SORCS1: variants seen among roughly 807,000 people sequenced by gnomAD.
SORCS1 encodes sortilin related VPS10 domain containing receptor 1.
A neutral mutation model predicts 146.1 loss-of-function variants in SORCS1; 60 were observed. That is an observed-to-expected ratio of 0.41 (90% confidence interval 0.33 to 0.51). The LOEUF (loss-of-function observed/expected upper bound fraction) is 0.51, where lower values mean the gene tolerates loss of function less well. Ranked by LOEUF, SORCS1 falls within the 20% of genes least tolerant of loss-of-function variation. The pLI is 0.21. For synonymous variants in SORCS1, 637 were observed against 584.0 expected (o/e 1.09, Z -1.31); for missense variants, 1,352 against 1,487.6 (o/e 0.91, Z 1.50).
intron 2 of SORCS1, among the ~76,000 whole-genome samples, chr10:106,832,764 C>T (rs1243098531): frequency 2.0e-5 from 3 of 151,886 alleles, no homozygotes; most frequent in Non-Finnish European, 2.9e-5. Context: ...AGGTGGAAAT[C>T]GGTAAGACTA....
At chr10:107,106,658 A>G (rs1049551232) in intron 1 of SORCS1, among the ~76,000 whole-genome samples, 1 of 152,174 alleles carries the variant, frequency 6.6e-6, no homozygotes, top group Non-Finnish European at 1.5e-5. Context: ...ATTTTCAATC[A>G]AATTAAAATT....
intron 2 of SORCS1, among the ~76,000 whole-genome samples, chr10:106,834,015 G>A (rs941304015): frequency 1.3e-5 from 2 of 152,070 alleles, no homozygotes; most frequent in Non-Finnish European, 1.5e-5. Flanking sequence ...GGATGGTCTC[G>A]ATCTCCTGAC....
At chr10:106,961,685 C>CTCT in intron 1 of SORCS1, among the ~76,000 whole-genome samples, 1 of 152,324 alleles carries the variant, frequency 6.6e-6, no homozygotes, top group South Asian at 2.1e-4. Flanking sequence ...GCCCTCACTG[C>CTCT]TCTCCTTAGC....
intron 1 of SORCS1, among the ~76,000 whole-genome samples, chr10:107,082,161 A>G (rs1250333079): frequency 6.6e-6 from 1 of 152,170 alleles, no homozygotes; most frequent in Non-Finnish European, 1.5e-5. Context: ...GGAAACTCTC[A>G]GAGCAAAGAT....
intron 3 of SORCS1, among the ~76,000 whole-genome samples, chr10:106,814,324 A>G (rs1428856277): frequency 6.6e-6 from 1 of 152,234 alleles, no homozygotes; most frequent in Non-Finnish European, 1.5e-5. Flanking sequence ...CGCGAAATTT[A>G]TTGAAGATCT....
At position 106,924,464 on chromosome 10, in the gene SORCS1, T is replaced by C. The variant is rs543497894; in HGVS notation, c.626+32049A>G. On this transcript the variant is annotated intron_variant, in intron 2 of 25. Coordinates refer to ENST00000263054, the MANE Select transcript of SORCS1 (RefSeq NM_052918.5). ...TAATATTATGAAAATTCCACAGTTA[T>C]CGATCTATCTATCTATCTATCTATC... 3.5e-4 allele frequency among the ~76,000 whole-genome samples: 27 copies of C among 77,662 alleles called. 1 individual carries two copies. The East Asian group carries it at 0.01, about 29-fold the overall frequency. The allele number at this position is 77,662 out of a possible 152,430, so 50.9% of individuals were successfully genotyped here.
intron 1 of SORCS1, among the ~76,000 whole-genome samples, chr10:107,002,802 T>G (rs983609498): frequency 1.3e-5 from 2 of 152,320 alleles, no homozygotes; most frequent in Admixed American, 1.3e-4. Flanking sequence ...ACAAGGGTTA[T>G]TTTTAAACAC....
intron 18 of SORCS1, among the ~76,000 whole-genome samples, chr10:106,639,142 G>A (rs1182778316): frequency 6.6e-6 from 1 of 152,194 alleles, no homozygotes; most frequent in Non-Finnish European, 1.5e-5. Context: ...TGAGCAGAGG[G>A]TCATGGAATA....
At chr10:106,934,211 A>C (rs1009252182) in intron 2 of SORCS1, among the ~76,000 whole-genome samples, 1 of 151,978 alleles carries the variant, frequency 6.6e-6, no homozygotes, top group African/African-American at 2.4e-5. Flanking sequence ...AATGTAAATT[A>C]GTACAGCCTC....
intron 2 of SORCS1, among the ~76,000 whole-genome samples, chr10:106,838,672 T>A (rs568452336): frequency 6.6e-6 from 1 of 152,218 alleles, no homozygotes; most frequent in East Asian, 1.9e-4. Context: ...ATGTCATATA[T>A]AGGCATACCT....
intron 1 of SORCS1, among the ~76,000 whole-genome samples, chr10:107,134,445 T>C (rs1967110481): frequency 1.3e-5 from 2 of 152,132 alleles, no homozygotes; most frequent in Non-Finnish European, 2.9e-5. Flanking sequence ...GAGACCATCC[T>C]GGCTAACATG....
At chr10:107,166,333 T>C (rs534888416), upstream of SORCS1, among the ~76,000 whole-genome samples, 21 of 152,212 alleles carry the variant, frequency 1.4e-4, no homozygotes, top group Non-Finnish European at 2.8e-4. Flanking sequence ...AGAAAACGTC[T>C]GTTATATCAA....
At chr10:106,928,286 C>T (rs1028618293) in intron 2 of SORCS1, among the ~76,000 whole-genome samples, 2 of 152,218 alleles carry the variant, frequency 1.3e-5, no homozygotes, top group Non-Finnish European at 2.9e-5. Context: ...AAATCGAGCG[C>T]AGCGCCGGTG....
chr10:106,759,100 G>T (rs1424711534), intron 5 of SORCS1, among the ~76,000 whole-genome samples: 1 of 152,208 alleles, frequency 6.6e-6, no homozygotes, highest in East Asian at 1.9e-4. Flanking sequence ...TTTTAGGGCA[G>T]TGTTTGAAAA....
At chr10:106,856,780 G>C (rs1012503946) in intron 2 of SORCS1, among the ~76,000 whole-genome samples, 1 of 152,182 alleles carries the variant, frequency 6.6e-6, no homozygotes, top group African/African-American at 2.4e-5. Context: ...ATCAACTACT[G>C]TTTAAGTTTT....
intron 6 of SORCS1, among the ~76,000 whole-genome samples, chr10:106,709,722 A>C (rs1463575681): frequency 6.6e-6 from 1 of 152,166 alleles, no homozygotes; most frequent in Non-Finnish European, 1.5e-5. Flanking sequence ...TGCTGGGATT[A>C]CAGGCGTGAG....
chr10:106,956,747 T>C (rs940374849), intron 1 of SORCS1, among the ~76,000 whole-genome samples, 167 bp from the exon 2 acceptor site: 4 of 152,244 alleles, frequency 2.6e-5, no homozygotes, highest in African/African-American at 4.8e-5. Flanking sequence ...CTTGTCTTTC[T>C]GCCTTCCACT....
intron 6 of SORCS1, among the ~76,000 whole-genome samples, chr10:106,715,001 G>A (rs917061210): frequency 6.6e-6 from 1 of 152,212 alleles, no homozygotes; most frequent in Non-Finnish European, 1.5e-5. Flanking sequence ...GCAAGCTGAA[G>A]GGGAAATGAA....
intron 2 of SORCS1, among the ~76,000 whole-genome samples, chr10:106,931,287 C>G (rs1953402322): frequency 6.6e-6 from 1 of 152,136 alleles, no homozygotes; most frequent in Non-Finnish European, 1.5e-5. Context: ...AATGTACACT[C>G]CAGTAAACCA....
Sources: allele counts gnomAD v4.1 joint callset (sites outside exome capture counted in the v4.1 genomes callset), GRCh38; gene constraint gnomAD v4.1.1; transcripts MANE v1.5; gene names NCBI Gene and HGNC (gene_info 2026-07-23, HGNC 2026-07-21).